Variants in DPYD observed in about 807,000 individuals in gnomAD.
DPYD encodes the protein dihydropyrimidine dehydrogenase [NADP(+)].
A neutral mutation model predicts 116.2 loss-of-function variants in DPYD; 109 were observed. The ratio of observed to expected loss-of-function variants is 0.94; its 90% CI spans 0.80 to 1.10. The LOEUF (loss-of-function observed/expected upper bound fraction) is 1.10, where lower values mean the gene tolerates loss of function less well. Among genes scored for constraint, DPYD ranks in the 50% least tolerant of loss-of-function variants. The probability of loss-of-function intolerance (pLI) is 0.00; values close to 1 mark genes in which losing one functional copy is unlikely to be tolerated. For synonymous variants in DPYD, 440 were observed against 432.0 expected (o/e 1.02, Z -0.23); for missense variants, 1,302 against 1,254.5 (o/e 1.04, Z -0.57).
intron 3 of DPYD, among the ~76,000 whole-genome samples, chr1:97,788,335 C>T (rs953493461): frequency 3.3e-5 from 5 of 152,256 alleles, no homozygotes; most frequent in Non-Finnish European, 7.4e-5. Flanking sequence ...AGAATCCAGA[C>T]CTCTAGGCTG....
intron 5 of DPYD, among the ~76,000 whole-genome samples, chr1:97,702,390 G>A (rs1395314779): frequency 2.6e-5 from 4 of 151,628 alleles, no homozygotes; most frequent in Non-Finnish European, 5.9e-5. Context: ...TTTATTTAGG[G>A]ATTAAATAAA....
At chr1:97,472,321 C>A (rs553318559) in intron 13 of DPYD, among the ~76,000 whole-genome samples, 29 of 152,328 alleles carry the variant, frequency 1.9e-4, no homozygotes, top group East Asian at 3.9e-4. Flanking sequence ...CTGAGAATTG[C>A]CTGTTCTCTC....
intron 3 of DPYD, among the ~76,000 whole-genome samples, chr1:97,763,104 A>T (rs1665665829): frequency 6.6e-6 from 1 of 152,098 alleles, no homozygotes; most frequent in Admixed American, 6.6e-5. Context: ...TTCTTGACTG[A>T]GAAAGAAAAG....
At chr1:97,540,561 G>C (rs929203601) in intron 12 of DPYD, among the ~76,000 whole-genome samples, 9 of 152,092 alleles carry the variant, frequency 5.9e-5, no homozygotes, top group African/African-American at 2.2e-4. Flanking sequence ...AAGCGTTCTA[G>C]TTTACTTTCC....
At chr1:97,225,465 G>A (rs889471330) in intron 19 of DPYD, among the ~76,000 whole-genome samples, 1 of 150,742 alleles carries the variant, frequency 6.6e-6, no homozygotes, top group Non-Finnish European at 1.5e-5. Context: ...GAATATTAAC[G>A]TCTACACTCA....
At chr1:97,258,135 C>T (rs931254626) in intron 18 of DPYD, among the ~76,000 whole-genome samples, 2 of 152,188 alleles carry the variant, frequency 1.3e-5, no homozygotes, top group South Asian at 2.1e-4. Context: ...AGGAAGGAGA[C>T]AAGGCTAGAT....
rs978479921 is a variant in DPYD at position 97,317,639 on chromosome 1, G to C, written c.2059-11342C>G. Among the ~76,000 whole-genome samples, 3 of 152,066 alleles carry C rather than the reference G, an allele frequency of 2.0e-5. No homozygotes were observed. In the South Asian group the frequency reaches 6.2e-4, roughly 31 times the overall value. On this transcript the variant is annotated intron_variant, in intron 16 of 22. Coordinates refer to ENST00000370192, the MANE Select transcript of DPYD (RefSeq NM_000110.4). Reference sequence around the variant, plus strand: ...TGCTAGACTTAGAAAACAACCACAAGCATAAAACCTCAGTATTTTTATAAT... The same window carrying C: ...TGCTAGACTTAGAAAACAACCACAACCATAAAACCTCAGTATTTTTATAAT...
chr1:97,565,116 C>A (rs1652424790), intron 11 of DPYD, among the ~76,000 whole-genome samples: 1 of 152,108 alleles, frequency 6.6e-6, no homozygotes, highest in Non-Finnish European at 1.5e-5. Flanking sequence ...GAAAATGTTA[C>A]TGGGTCAGCT....
chr1:97,758,241 T>C (rs1665366148), intron 3 of DPYD, among the ~76,000 whole-genome samples: 2 of 152,142 alleles, frequency 1.3e-5, no homozygotes, highest in South Asian at 4.1e-4. Flanking sequence ...TGAAACCTCA[T>C]TTTTAGCTAT....
At chr1:97,851,222 G>A (rs1670551274) in intron 2 of DPYD, among the ~76,000 whole-genome samples, 1 of 142,456 alleles carries the variant, frequency 7.0e-6, no homozygotes, top group Non-Finnish European at 1.5e-5. Flanking sequence ...TATAATTTTG[G>A]AACATAAATT....
At chr1:97,195,866 G>C (rs1658772257) in intron 19 of DPYD, among the ~76,000 whole-genome samples, 2 of 150,882 alleles carry the variant, frequency 1.3e-5, no homozygotes, top group Non-Finnish European at 2.9e-5. Flanking sequence ...GAAAGGTCAG[G>C]AATATCAGAG....
At chr1:97,437,756 A>G (rs577086066) in intron 14 of DPYD, among the ~76,000 whole-genome samples, 1 of 152,138 alleles carries the variant, frequency 6.6e-6, no homozygotes, top group South Asian at 2.1e-4. Context: ...AATCACATAT[A>G]TCCTTTTTCT....
intron 7 of DPYD, among the ~76,000 whole-genome samples, chr1:97,686,331 A>G (rs1181166356): frequency 6.6e-6 from 1 of 152,166 alleles, no homozygotes; most frequent in African/African-American, 2.4e-5. Flanking sequence ...AATTAACTCA[A>G]GATGGATTAA....
At chr1:97,451,077 C>T (rs1297797809) in intron 13 of DPYD, among the ~76,000 whole-genome samples, 1 of 152,136 alleles carries the variant, frequency 6.6e-6, no homozygotes, top group Non-Finnish European at 1.5e-5. Context: ...AAGTACCCCT[C>T]CTCACCATCT....
chr1:97,293,264 C>A (rs1666324550), intron 18 of DPYD, among the ~76,000 whole-genome samples: 1 of 152,006 alleles, frequency 6.6e-6, no homozygotes, highest in African/African-American at 2.4e-5. Flanking sequence ...ATATTTTCAT[C>A]CTACAATATG....
At chr1:97,284,006 G>A (rs942495769) in intron 18 of DPYD, among the ~76,000 whole-genome samples, 4 of 152,054 alleles carry the variant, frequency 2.6e-5, no homozygotes, top group Admixed American at 6.6e-5. Flanking sequence ...AAAGGCAGCC[G>A]ATATAATACC....
At chr1:97,446,374 A>G (rs1361825109) in intron 14 of DPYD, among the ~76,000 whole-genome samples, 1 of 152,184 alleles carries the variant, frequency 6.6e-6, no homozygotes, top group East Asian at 1.9e-4. Flanking sequence ...TACACATAAA[A>G]TGTTAAGAAC....
chr1:97,890,669 T>C (rs1672730306), intron 1 of DPYD, among the ~76,000 whole-genome samples: 1 of 151,950 alleles, frequency 6.6e-6, no homozygotes, highest in African/African-American at 2.4e-5. Flanking sequence ...ACTAATCTCA[T>C]CCATTAATTC....
intron 5 of DPYD, among the ~76,000 whole-genome samples, chr1:97,707,443 C>T (rs1320563651): frequency 1.9e-5 from 2 of 107,742 alleles, no homozygotes; most frequent in Admixed American, 1.2e-4. Context: ...TCCCTCCCCC[C>T]TCCCCCCACC....
Sources: gnomAD v4.1 joint callset for allele counts (sites outside exome capture counted in the v4.1 genomes callset) on GRCh38, gnomAD v4.1.1 for gene constraint, MANE v1.5 for transcripts, NCBI Gene and HGNC (gene_info 2026-07-23, HGNC 2026-07-21) for gene names.